The following ZNF567 variants were observed in gnomAD, a reference collection of about 807,000 sequenced individuals.
The protein encoded by ZNF567 is zinc finger protein 567.
Under a neutral mutation model 53.9 loss-of-function variants are expected in ZNF567, and 36 were observed. The ratio of observed to expected loss-of-function variants is 0.67; its 90% CI spans 0.51 to 0.88. The LOEUF (loss-of-function observed/expected upper bound fraction) is 0.88. Ranked by LOEUF, ZNF567 falls within the 40% of genes least tolerant of loss-of-function variation. The pLI is 0.00. For missense variants in ZNF567, 619 were observed against 764.7 expected (o/e 0.81, Z 2.25); for synonymous variants, 224 against 260.4 (o/e 0.86, Z 1.35).
intron 1 of ZNF567, among the ~76,000 whole-genome samples, chr19:36,688,127 T>A (rs1302612722): frequency 6.6e-6 from 1 of 152,184 alleles, no homozygotes; most frequent in African/African-American, 2.4e-5. Flanking sequence ...TGAGCCTGTG[T>A]CCGACTCTGG....
intron 3 of ZNF567, chr19:36,711,265 C>G (rs1333325887): frequency 2.0e-5 from 3 of 152,224 alleles, no homozygotes; most frequent in Non-Finnish European, 4.4e-5. Flanking sequence ...GAGACAGGGT[C>G]TTGCCATGTT....
chr19:36,667,453 G>A, the ZNF567 span, among the ~76,000 whole-genome samples: 1 of 151,848 alleles, frequency 6.6e-6, no homozygotes, highest in Admixed American at 6.5e-5. Flanking sequence ...GGTGAGCCGA[G>A]GTCGCGCCAT....
intron 2 of ZNF567, among the ~76,000 whole-genome samples, chr19:36,693,704 G>A (rs572340775): frequency 6.6e-6 from 1 of 152,264 alleles, no homozygotes; most frequent in Admixed American, 6.5e-5. Flanking sequence ...GCAATTAAAT[G>A]AACAGTTCAG....
intron 3 of ZNF567, among the ~76,000 whole-genome samples, chr19:36,702,910 C>G (rs962043795): frequency 6.6e-6 from 1 of 151,656 alleles, no homozygotes; most frequent in African/African-American, 2.4e-5. Flanking sequence ...CATCTGAAGC[C>G]TTCTTCTCTC....
At chr19:36,709,750 C>A (rs2039682407) in intron 3 of ZNF567, among the ~76,000 whole-genome samples, 1 of 152,184 alleles carries the variant, frequency 6.6e-6, no homozygotes, top group South Asian at 2.1e-4. Context: ...AAAAGTAAGC[C>A]ACCACACCCA....
chr19:36,720,938 T>TA lies in ZNF567; in HGVS notation c.*271dup, dbSNP rs1338876834. The TA allele has an allele frequency of 4.5e-6, 1 of 222,264 alleles. No homozygotes were observed. The highest frequency in any genetic ancestry group is 9.0e-5 in the East Asian group (1 of 11,168). The allele number at this position is 222,264 out of a possible 1,614,324, so 13.8% of individuals were successfully genotyped here. ...TTATTTTTTAAAAATACTTATATAA[T>TA]ACATGCAGAGACAAGATACACAATG... On this transcript the variant is annotated 3_prime_UTR_variant, in exon 6 of 6. Transcript: ENST00000682579.
chr19:36,691,619 A>C (rs2145563785), intron 2 of ZNF567, among the ~76,000 whole-genome samples: 1 of 152,372 alleles, frequency 6.6e-6, no homozygotes, highest in East Asian at 1.9e-4. Flanking sequence ...AAATTTAAAA[A>C]GAAAACAAAA....
downstream of ZNF567, among the ~76,000 whole-genome samples, chr19:36,726,451 G>A (rs537655516): frequency 6.4e-4 from 98 of 152,162 alleles, no homozygotes; most frequent in Non-Finnish European, 1.1e-3. Flanking sequence ...CCACATAGGG[G>A]GTGAGAATCC....
Position 36,720,047 on chromosome 19 carries a change from A to T in ZNF567, c.1323A>T (p.Lys441Asn). 1 of 1,614,022 alleles carries T rather than the reference A, an allele frequency of 6.2e-7. No homozygotes were observed. The highest frequency in any genetic ancestry group is 8.5e-7 in the Non-Finnish European group (1 of 1,180,010). ...SQKTTLALHEKTHNEEKPYIC... is the reference protein window; with the variant it reads ...SQKTTLALHENTHNEEKPYIC... ...AGACAACCCTTGCTCTTCATGAGAA[A>T]ACTCATAATGAGGAGAAACCCTATA... The change falls in exon 6 of 6, where the codon AAA becomes AAT. Residue 441 changes from lysine to asparagine, a missense_variant. Coordinates refer to ENST00000682579, the MANE Select transcript of ZNF567 (RefSeq NM_001322917.1).
intron 3 of ZNF567, 33 bp downstream of exon 3, chr19:36,694,909 G>C (rs990855870): frequency 2.3e-6 from 3 of 1,327,462 alleles, no homozygotes; most frequent in Non-Finnish European, 2.0e-6. Context: ...CTTTCTGAAA[G>C]TCTTTTTTTT....
chr19:36,693,830 C>T (rs941996759), intron 2 of ZNF567, among the ~76,000 whole-genome samples: 3 of 151,982 alleles, frequency 2.0e-5, no homozygotes, highest in African/African-American at 7.3e-5. Flanking sequence ...CTTTGTGATA[C>T]CAAACTAGAT....
intron 2 of ZNF567, among the ~76,000 whole-genome samples, chr19:36,694,414 C>G (rs1326710664): frequency 1.3e-5 from 2 of 152,100 alleles, no homozygotes; most frequent in African/African-American, 4.8e-5. Flanking sequence ...GATAGACAAG[C>G]ATAAAAAAAT....
chr19:36,704,251 C>T (rs2039374013), intron 3 of ZNF567, among the ~76,000 whole-genome samples: 1 of 151,900 alleles, frequency 6.6e-6, no homozygotes, highest in South Asian at 2.1e-4. Flanking sequence ...CTGGCCTGGG[C>T]AACATACAAA....
the ZNF567 span, among the ~76,000 whole-genome samples, chr19:36,674,323 A>C: frequency 6.6e-6 from 1 of 152,212 alleles, no homozygotes; most frequent in Non-Finnish European, 1.5e-5. Context: ...ATAATTCAAC[A>C]GGGGAAATAA....
At chr19:36,725,771 C>G (rs2040333278), downstream of ZNF567, among the ~76,000 whole-genome samples, 1 of 152,160 alleles carries the variant, frequency 6.6e-6, no homozygotes, top group African/African-American at 2.4e-5. Flanking sequence ...ACCTCAGCTT[C>G]CTGAGTAGCT....
At chr19:36,674,692 A>C in the ZNF567 span, among the ~76,000 whole-genome samples, 1 of 151,984 alleles carries the variant, frequency 6.6e-6, no homozygotes, top group Non-Finnish European at 1.5e-5. Context: ...TTTTTTTAAC[A>C]TAAGAGAAAT....
At position 36,693,008 on chromosome 19, in the gene ZNF567, C is replaced by T. The variant is rs952384749; in HGVS notation, c.-66-1794C>T. Reference sequence around the variant, plus strand: ...AGTTTTCAGCAACCCTGGGAGTAGGCGGTATGTGGTGGTTCACACCTATAA... The same window carrying T: ...AGTTTTCAGCAACCCTGGGAGTAGGTGGTATGTGGTGGTTCACACCTATAA... On this transcript the variant is annotated intron_variant, in intron 2 of 5. Coordinates refer to ENST00000682579, the MANE Select transcript of ZNF567 (RefSeq NM_001322917.1). Among the ~76,000 whole-genome samples the T allele has an allele frequency of 7.9e-5, 12 of 151,928 alleles. No homozygotes were observed. The East Asian group carries it at 1.4e-3, about 17-fold the overall frequency.
intron 5 of ZNF567, among the ~76,000 whole-genome samples, chr19:36,717,713 A>G (rs1342988731): frequency 6.6e-6 from 1 of 152,248 alleles, no homozygotes; most frequent in African/African-American, 2.4e-5. Flanking sequence ...AAGTAAAGTT[A>G]GAAATAGCTA....
chr19:36,726,355 AGATTGTAGAT>A (rs2040334986), downstream of ZNF567, among the ~76,000 whole-genome samples: 1 of 152,162 alleles, frequency 6.6e-6, no homozygotes, highest in East Asian at 1.9e-4. Flanking sequence ...ATCTATTATG[AGATTGTAGAT>A]CTTATTTAAA....
Sources: allele counts gnomAD v4.1 joint callset (sites outside exome capture counted in the v4.1 genomes callset), GRCh38; gene constraint gnomAD v4.1.1; transcripts MANE v1.5; gene names NCBI Gene and HGNC (gene_info 2026-07-23, HGNC 2026-07-21).